Variants in RANBP2 observed in about 807,000 individuals in gnomAD.
RANBP2 encodes the protein RAN binding protein 2.
Under a neutral mutation model 303.6 loss-of-function variants are expected in RANBP2, and 57 were observed. The ratio of observed to expected loss-of-function variants is 0.19; its 90% confidence interval spans 0.15 to 0.23. The LOEUF is 0.23. RANBP2 is among the 10% of genes least tolerant of loss of function. The probability of loss-of-function intolerance (pLI) is 1.00; values close to 1 mark genes in which losing one functional copy is unlikely to be tolerated. For synonymous variants in RANBP2, 1,167 were observed against 1,301.5 expected, an observed-to-expected ratio of 0.90 and a Z score of 2.23; for missense variants, 3,138 against 3,780.8, an observed-to-expected ratio of 0.83 and a Z score of 4.46.
chr2:109,080,257 G>A, the RANBP2 span, among the ~76,000 whole-genome samples: 1 of 150,896 alleles, frequency 6.6e-6, no homozygotes, highest in Admixed American at 6.6e-5. Flanking sequence ...TTATAGCTGA[G>A]AGGGCAGCAG....
At chr2:108,896,517 C>T in the RANBP2 span, 1 of 192,142 alleles carries the variant, frequency 5.2e-6, no homozygotes, top group Non-Finnish European at 1.1e-5. Context: ...TTCCTTCTGT[C>T]TTCTACTGGA....
At chr2:109,393,568 GAA>G in the RANBP2 span, among the ~76,000 whole-genome samples, 3 of 152,116 alleles carry the variant, frequency 2.0e-5, no homozygotes, top group South Asian at 2.1e-4. Context: ...GTGCATCCAT[GAA>G]AAGAGTCATG....
intron 24 of RANBP2, 38 bp downstream of exon 24, chr2:108,775,974 G>A: frequency 6.5e-7 from 1 of 1,538,520 alleles, no homozygotes; most frequent in East Asian, 2.3e-5. Flanking sequence ...GTTACATAAG[G>A]GACACCTTAT....
the RANBP2 span, among the ~76,000 whole-genome samples, chr2:109,735,164 T>TA: frequency 6.6e-6 from 1 of 152,152 alleles, no homozygotes; most frequent in South Asian, 2.1e-4. Context: ...TCTTCCCACC[T>TA]CCCTGCCTTT....
the RANBP2 span, among the ~76,000 whole-genome samples, chr2:109,683,258 G>A: frequency 2.0e-5 from 3 of 152,166 alleles, no homozygotes; most frequent in East Asian, 1.9e-4. Context: ...CGCCTGCCTC[G>A]GCCTCCCAAA....
the RANBP2 span, among the ~76,000 whole-genome samples, chr2:109,516,694 C>T: frequency 1.3e-5 from 2 of 152,202 alleles, no homozygotes; most frequent in African/African-American, 4.8e-5. Flanking sequence ...GCAGGGCTGG[C>T]GTGTGAGGCG....
the RANBP2 span, among the ~76,000 whole-genome samples, chr2:109,011,075 T>A: frequency 6.6e-6 from 1 of 152,242 alleles, no homozygotes. Flanking sequence ...GGACTAGTCA[T>A]ACTCTGTACC....
At chr2:109,350,055 C>A in the RANBP2 span, among the ~76,000 whole-genome samples, 1 of 152,226 alleles carries the variant, frequency 6.6e-6, no homozygotes, top group East Asian at 1.9e-4. Context: ...CATCGGATCA[C>A]CAGGGGCAGG....
At chr2:109,647,534 T>A in the RANBP2 span, among the ~76,000 whole-genome samples, 44 of 151,876 alleles carry the variant, frequency 2.9e-4, no homozygotes, top group African/African-American at 1.0e-3. Context: ...AATGGCGTGA[T>A]CTCGGCTCAC....
chr2:109,538,953 T>A, the RANBP2 span, among the ~76,000 whole-genome samples: 1 of 152,168 alleles, frequency 6.6e-6, no homozygotes, highest in Non-Finnish European at 1.5e-5. Flanking sequence ...TGATAATACT[T>A]TTTTGTTTTT....
chr2:108,845,710 T>C, the RANBP2 span, among the ~76,000 whole-genome samples: 15 of 151,884 alleles, frequency 9.9e-5, no homozygotes, highest in Non-Finnish European at 1.6e-4. Flanking sequence ...TAGCTGGGAC[T>C]ATGGGCACCC....
chr2:109,512,876 C>T, the RANBP2 span, among the ~76,000 whole-genome samples: 2 of 152,346 alleles, frequency 1.3e-5, no homozygotes, highest in South Asian at 4.1e-4. Flanking sequence ...CTATTCACCT[C>T]CAGTTCTTCA....
the RANBP2 span, among the ~76,000 whole-genome samples, chr2:108,851,546 C>T: frequency 2.6e-5 from 4 of 152,138 alleles, no homozygotes; most frequent in Non-Finnish European, 4.4e-5. Flanking sequence ...AGGTGATCCG[C>T]CCACCTCAGC....
At chr2:109,419,835 G>A in the RANBP2 span, among the ~76,000 whole-genome samples, 3 of 152,350 alleles carry the variant, frequency 2.0e-5, no homozygotes, top group South Asian at 2.1e-4. Flanking sequence ...TTCTGATGTC[G>A]TTGTTTCTAG....
chr2:108,940,876 G>A, the RANBP2 span, among the ~76,000 whole-genome samples: 7,265 of 152,202 alleles, frequency 0.048, 563 homozygotes, highest in African/African-American at 0.16. Flanking sequence ...AACTAATCAC[G>A]TTTATTGAGT....
At chr2:109,336,439 A>G in the RANBP2 span, among the ~76,000 whole-genome samples, 1 of 152,244 alleles carries the variant, frequency 6.6e-6, no homozygotes, top group Non-Finnish European at 1.5e-5. Context: ...GCTGCCACCA[A>G]TAAGTTTCTC....
the RANBP2 span, among the ~76,000 whole-genome samples, chr2:109,136,957 G>A: frequency 6.6e-6 from 1 of 152,152 alleles, no homozygotes; most frequent in South Asian, 2.1e-4. Flanking sequence ...GGATGCTGAT[G>A]CTTTTCTCTC....
the RANBP2 span, among the ~76,000 whole-genome samples, chr2:108,996,446 T>C: frequency 6.6e-6 from 1 of 152,116 alleles, no homozygotes; most frequent in Non-Finnish European, 1.5e-5. Context: ...TCAAAGTAAA[T>C]AAGAAAGGCT....
chr2:109,337,328 C>T, the RANBP2 span, among the ~76,000 whole-genome samples: 1,336 of 152,346 alleles, frequency 8.8e-3, 8 homozygotes, highest in Middle Eastern at 0.017. Context: ...CAGGGTGCAT[C>T]GGGCTGCTGG....
Sources: allele counts gnomAD v4.1 joint callset (sites outside exome capture counted in the v4.1 genomes callset), GRCh38; gene constraint gnomAD v4.1.1; transcripts MANE v1.5; gene names NCBI Gene and HGNC (gene_info 2026-07-23, HGNC 2026-07-21).